The following ZFP30 variants were observed in gnomAD, a reference collection of about 807,000 sequenced individuals.
The protein encoded by ZFP30 is zinc finger protein 30 homolog.
In ZFP30, 16 loss-of-function variants were observed where a neutral mutation model predicts 12.3. The ratio of observed to expected loss-of-function variants is 1.30; its 90% CI spans 0.88 to 1.98. The LOEUF (loss-of-function observed/expected upper bound fraction) is 1.98. ZFP30 is among the 30% of genes most tolerant of loss of function. The pLI is 0.00. For synonymous variants in ZFP30, 172 were observed against 201.0 expected, an observed-to-expected ratio of 0.86 and a Z score of 1.22; for missense variants, 560 against 611.2, an observed-to-expected ratio of 0.92 and a Z score of 0.88.
At chr19:37,647,942 A>C in intron 2 of ZFP30, 43 bp from the exon 3 acceptor site, 2 of 1,203,604 alleles carry the variant, frequency 1.7e-6, no homozygotes, top group South Asian at 2.7e-5. Context: ...GAACTGCCTC[A>C]GAGTTTCCAA....
intron 5 of ZFP30, among the ~76,000 whole-genome samples, chr19:37,639,690 G>A (rs1692533542): frequency 6.6e-6 from 1 of 151,942 alleles, no homozygotes; most frequent in Admixed American, 6.6e-5. Context: ...AGAAGACAAT[G>A]GAAAAGTAAA....
At position 37,631,384 on chromosome 19, in the gene ZFP30, T is replaced by G. The variant is rs921995048; in HGVS notation, c.*3597A>C. ...TATGCTCATTTAACCACAGAATGCTTTCTAAAAATACCATCAAGCACTAGT... is the reference window on the plus strand; with the variant it reads ...TATGCTCATTTAACCACAGAATGCTGTCTAAAAATACCATCAAGCACTAGT... On this transcript the variant is annotated 3_prime_UTR_variant, in exon 6 of 6. Transcript: ENST00000684514. The G allele has an allele frequency of 2.6e-5, 4 of 152,190 alleles. No homozygotes were observed. The highest frequency in any genetic ancestry group is 9.7e-5 in the African/African-American group (4 of 41,438). The allele number at this position is 152,190 out of a possible 1,614,324, so 9.4% of individuals were successfully genotyped here. A position where few individuals can be genotyped will look rare whatever the true frequency, so the allele number is the denominator to read the frequency against.
At chr19:37,643,176 C>A in intron 5 of ZFP30, 89 bp downstream of exon 5, 1 of 983,860 alleles carries the variant, frequency 1.0e-6, no homozygotes. Flanking sequence ...GTCTCTTCTT[C>A]ACAATTGACA....
intron 5 of ZFP30, among the ~76,000 whole-genome samples, chr19:37,637,370 T>C (rs2044350601): frequency 6.6e-6 from 1 of 151,672 alleles, no homozygotes; most frequent in Non-Finnish European, 1.5e-5. Context: ...GCTGTATTTT[T>C]AGTAGAGATG....
Position 37,643,447 on chromosome 19 carries a change from T to C in ZFP30, c.137-84A>G, listed in dbSNP as rs982342134. The stretch of plus-strand genomic sequence containing the variant: ...GACTATCAGGATTGAAAAACATTCA[T>C]AGCATAGAGTTACTTCAGGATCACA... On this transcript the variant is annotated intron_variant, in intron 4 of 5. Transcript: ENST00000684514. The C allele has an allele frequency of 7.3e-6, 7 of 958,064 alleles. No individual in the cohort carries two copies. The African/African-American group carries it at 1.0e-4, about 14-fold the overall frequency. The allele number at this position is 958,064 out of a possible 1,614,324, so 59.3% of individuals were successfully genotyped here. A position where few individuals can be genotyped will look rare whatever the true frequency, so the allele number is the denominator to read the frequency against.
chr19:37,643,271 T>A lies in ZFP30; in HGVS notation c.229A>T (p.Thr77Ser). ...MVVRDEKRRW[T>S]LDLESRYDTK... ...CTGCCTGATCAGCACTTACCTAGAG[T>A]CCATCTTCTTTTCTCATCCCTCACA... Residue 77 changes from threonine to serine, a missense_variant, in exon 5 of 6, where the codon ACT (threonine) becomes TCT (serine). By Grantham distance (58) the Thr-to-Ser change is moderately conservative. Coordinates refer to ENST00000684514, the MANE Select transcript of ZFP30 (RefSeq NM_001320669.3). The A allele has an allele frequency of 6.2e-7, 1 of 1,611,168 alleles. No individual in the cohort carries two copies.
In ZFP30 at chr19:37,655,449, G is replaced by C. The variant is rs1043065461; in HGVS notation, c.-275C>G. 5.2e-5 allele frequency: 8 copies of C among 152,502 alleles called. No individual in the cohort carries two copies. Among genetic ancestry groups the C allele is most frequent in the African/African-American group, 1.9e-4 (8 of 41,604 alleles). 9.4% of individuals were successfully genotyped at this position (152,502 alleles called of 1,614,324 possible). A position where few individuals can be genotyped will look rare whatever the true frequency, so the allele number is the denominator to read the frequency against. On this transcript the variant is annotated 5_prime_UTR_variant, in exon 1 of 6. Coordinates refer to ENST00000684514, the MANE Select transcript of ZFP30 (RefSeq NM_001320669.3). ...CTCAGAGGATAGCCCAGCCCTGGGA[G>C]TCAGCGGCGCCAGAATACGGGAGAG...
At chr19:37,639,945 T>G (rs1185709565) in intron 5 of ZFP30, among the ~76,000 whole-genome samples, 4 of 152,228 alleles carry the variant, frequency 2.6e-5, no homozygotes, top group Non-Finnish European at 5.9e-5. Context: ...AGCTGAGCTG[T>G]ACGCTACCAA....
intron 2 of ZFP30, among the ~76,000 whole-genome samples, chr19:37,649,246 T>TAAAAAAAAAA (rs5827988): frequency 7.7e-6 from 1 of 129,966 alleles, no homozygotes; most frequent in African/African-American, 2.9e-5. Context: ...CCCTGTCTCT[T>TAAAAAAAAAA]AAAAAAAAAA....
In ZFP30 at chr19:37,635,248, A is replaced by C. The variant is rs772197298; in HGVS notation, c.1293T>G (p.Ile431Met). 21 of 1,613,990 alleles carry C rather than the reference A, an allele frequency of 1.3e-5. No homozygotes were observed. The highest frequency in any genetic ancestry group is 1.8e-5 in the Non-Finnish European group (21 of 1,179,968). Residue 431 changes from isoleucine (I) to methionine (M), a missense_variant, in exon 6 of 6, where the codon ATT becomes ATG. Physicochemically the swap from Ile to Met is conservative, Grantham distance 10 (BLOSUM62 1). Coordinates refer to ENST00000684514, the MANE Select transcript of ZFP30 (RefSeq NM_001320669.3). ...ACTTAAAGGGTTTCTCACCAAAATG[A>C]ATACTCTGATGTTGAGTAAGCTGTG... The part of the protein sequence containing the change: ...LFSQLTQHQS[I>M]HFGEKPFKCK...
chr19:37,647,954 T>C, intron 2 of ZFP30, 55 bp from the exon 3 acceptor site: 1 of 1,002,258 alleles, frequency 1.0e-6, no homozygotes, highest in South Asian at 1.5e-5. Flanking sequence ...AGTTTCCAAA[T>C]TTTAAAAACT....
At chr19:37,641,058 C>G (rs1434422400) in intron 5 of ZFP30, among the ~76,000 whole-genome samples, 1 of 152,196 alleles carries the variant, frequency 6.6e-6, no homozygotes, top group African/African-American at 2.4e-5. Flanking sequence ...GATAATCTTA[C>G]TGCCATTTCA....
intron 5 of ZFP30, 114 bp downstream of exon 5, chr19:37,643,151 C>T: frequency 1.1e-5 from 7 of 651,064 alleles, no homozygotes; most frequent in South Asian, 6.3e-5. Context: ...TCTAAATTTT[C>T]TTCCCAAGTT....
Position 37,634,794 on chromosome 19 carries a change from TA to T in ZFP30, c.*186del. On this transcript the variant is annotated 3_prime_UTR_variant, in exon 6 of 6. Coordinates refer to ENST00000684514, the MANE Select transcript of ZFP30 (RefSeq NM_001320669.3). ...TTTCTAGGATGAATTTCCTAAAGTT[TA>T]ACATGGTTTCAAAGGTGATGAAAGG... 1 of 595,456 alleles carries T rather than the reference TA, an allele frequency of 1.7e-6. No individual in the cohort carries two copies. The allele number at this position is 595,456 out of a possible 1,614,324, so 36.9% of individuals were successfully genotyped here. A position where few individuals can be genotyped will look rare whatever the true frequency, so the allele number is the denominator to read the frequency against.
intron 2 of ZFP30, among the ~76,000 whole-genome samples, chr19:37,651,979 A>C (rs1369935364): frequency 1.3e-5 from 2 of 152,216 alleles, no homozygotes; most frequent in Non-Finnish European, 2.9e-5. Context: ...TAGACCATTA[A>C]AGGGAAACAG....
In ZFP30 at chr19:37,635,271, G is replaced by T; in HGVS notation, c.1270C>A (p.Gln424Lys). Residue 424 changes from glutamine (Q) to lysine (K), a missense_variant, in exon 6 of 6, where the codon CAG becomes AAG. Gln to Lys is a moderately conservative substitution (Grantham distance 53). Transcript: ENST00000684514. The stretch of plus-strand genomic sequence containing the variant: ...TGAATACTCTGATGTTGAGTAAGCT[G>T]TGAGAACAGCCTAAATGCCTTCCCA... ...ECGKAFRLFS[Q>K]LTQHQSIHFG... 6.2e-7 allele frequency: 1 copy of T among 1,614,140 alleles called. No individual in the cohort carries two copies. The highest frequency in any genetic ancestry group is 8.5e-7 in the Non-Finnish European group (1 of 1,180,006).
chr19:37,642,838 G>A lies in ZFP30; in HGVS notation c.235+427C>T, dbSNP rs887236645. On this transcript the variant is annotated intron_variant, in intron 5 of 5. Coordinates refer to ENST00000684514, the MANE Select transcript of ZFP30 (RefSeq NM_001320669.3). ...TGGGAGGCCGAGGCGGGTGGATCAC[G>A]AGGTCAGATCAAGACCATCCTGGCT... Among the ~76,000 whole-genome samples the A allele has an allele frequency of 7.9e-5, 12 of 151,960 alleles. No homozygotes were observed. The South Asian group carries it at 8.3e-4, about 11-fold the overall frequency.
At chr19:37,641,313 T>A (rs1311494410) in intron 5 of ZFP30, among the ~76,000 whole-genome samples, 1 of 152,344 alleles carries the variant, frequency 6.6e-6, no homozygotes, top group East Asian at 1.9e-4. Context: ...GTAAAATATA[T>A]TCCTTGTACT....
Position 37,634,809 on chromosome 19 carries a change from G to T in ZFP30, c.*172C>A. 3.0e-6 allele frequency: 2 copies of T among 659,018 alleles called. No homozygotes were observed. The highest frequency in any genetic ancestry group is 4.5e-6 in the Non-Finnish European group (2 of 441,122). The allele number at this position is 659,018 out of a possible 1,614,324, so 40.8% of individuals were successfully genotyped here. A position where few individuals can be genotyped will look rare whatever the true frequency, so the allele number is the denominator to read the frequency against. On this transcript the variant is annotated 3_prime_UTR_variant, in exon 6 of 6. Coordinates refer to ENST00000684514, the MANE Select transcript of ZFP30 (RefSeq NM_001320669.3). ...TCCTAAAGTTTAACATGGTTTCAAA[G>T]GTGATGAAAGGCTTCTATATGTTCA...
Sources: allele counts gnomAD v4.1 joint callset (sites outside exome capture counted in the v4.1 genomes callset), GRCh38; gene constraint gnomAD v4.1.1; transcripts MANE v1.5; gene names NCBI Gene and HGNC (gene_info 2026-07-23, HGNC 2026-07-21).